Variants in WNT7A observed in about 807,000 individuals in gnomAD.
The protein encoded by WNT7A is Wnt family member 7A.
Under a neutral mutation model 28.2 loss-of-function variants are expected in WNT7A, and 16 were observed. That is an observed-to-expected ratio of 0.57 (90% CI 0.38 to 0.86). The LOEUF (loss-of-function observed/expected upper bound fraction) is 0.86, where lower values mean the gene tolerates loss of function less well. Among genes scored for constraint, WNT7A ranks in the 40% least tolerant of loss-of-function variants. The probability of loss-of-function intolerance (pLI) is 0.00; values close to 1 mark genes in which losing one functional copy is unlikely to be tolerated. For synonymous variants in WNT7A, 190 were observed against 195.9 expected, an observed-to-expected ratio of 0.97 and a Z score of 0.25; for missense variants, 411 against 489.7, an observed-to-expected ratio of 0.84 and a Z score of 1.52.
intron 2 of WNT7A, among the ~76,000 whole-genome samples, chr3:13,858,401 C>T (rs1263855351): frequency 2.0e-5 from 3 of 152,216 alleles, no homozygotes; most frequent in African/African-American, 4.8e-5. Context: ...GTGTCCTCTG[C>T]TCTACAGCCC....
At chr3:13,838,853 C>T (rs1185685270) in intron 3 of WNT7A, among the ~76,000 whole-genome samples, 2 of 152,210 alleles carry the variant, frequency 1.3e-5, no homozygotes, top group African/African-American at 4.8e-5. Flanking sequence ...TCCTCCAAAA[C>T]GGGAGCCATG....
chr3:13,854,432 C>G lies in WNT7A; in HGVS notation c.570+100G>C, dbSNP rs1454033255. On this transcript the variant is annotated intron_variant, in intron 3 of 3. Coordinates refer to ENST00000285018, the MANE Select transcript of WNT7A (RefSeq NM_004625.4). ...AGCAGAATGAGGCTGAGGGCAGAGCCCTGTGGCTCCTCAACAGACACCCAG... is the reference window on the plus strand; with the variant it reads ...AGCAGAATGAGGCTGAGGGCAGAGCGCTGTGGCTCCTCAACAGACACCCAG... 1.4e-5 allele frequency: 22 copies of G among 1,586,880 alleles called. No homozygotes were observed. In the East Asian group the frequency reaches 2.7e-4, roughly 19 times the overall value.
chr3:13,836,870 G>A (rs1022357324), intron 3 of WNT7A, among the ~76,000 whole-genome samples: 11 of 152,226 alleles, frequency 7.2e-5, no homozygotes, highest in Admixed American at 6.5e-4. Context: ...GAAAAACCAA[G>A]GGAGCGGGTG....
At chr3:13,842,305 G>C (rs895347629) in intron 3 of WNT7A, among the ~76,000 whole-genome samples, 2 of 152,178 alleles carry the variant, frequency 1.3e-5, no homozygotes, top group Non-Finnish European at 2.9e-5. Flanking sequence ...AGAGATGCTG[G>C]TGGATAGGAC....
chr3:13,850,867 T>C (rs1356354023), intron 3 of WNT7A, among the ~76,000 whole-genome samples: 1 of 152,026 alleles, frequency 6.6e-6, no homozygotes, highest in Admixed American at 6.5e-5. Flanking sequence ...CACTCACAAA[T>C]GCACCCAGAA....
At chr3:13,870,472 T>C (rs1295554960) in intron 2 of WNT7A, among the ~76,000 whole-genome samples, 3 of 152,224 alleles carry the variant, frequency 2.0e-5, no homozygotes, top group Non-Finnish European at 4.4e-5. Flanking sequence ...TTAAGCTACC[T>C]GGTCTGCAGG....
chr3:13,854,247 T>C (rs1325420310), intron 3 of WNT7A, among the ~76,000 whole-genome samples: 1 of 151,958 alleles, frequency 6.6e-6, no homozygotes, highest in Non-Finnish European at 1.5e-5. Context: ...GCTAATTTGG[T>C]CCCTCCCAAG....
intron 3 of WNT7A, among the ~76,000 whole-genome samples, chr3:13,837,736 C>T (rs552420583): frequency 3.9e-5 from 6 of 152,250 alleles, no homozygotes; most frequent in Admixed American, 6.5e-5. Context: ...ACCCAGGAGC[C>T]GGGTCACACC....
At chr3:13,857,062 C>T (rs916858443) in intron 2 of WNT7A, among the ~76,000 whole-genome samples, 4 of 152,192 alleles carry the variant, frequency 2.6e-5, no homozygotes, top group Admixed American at 6.5e-5. Context: ...CACAGGGCAG[C>T]AAGGACAGGG....
intron 3 of WNT7A, among the ~76,000 whole-genome samples, chr3:13,826,093 G>A (rs960918826): frequency 1.3e-5 from 2 of 152,210 alleles, no homozygotes; most frequent in Admixed American, 6.5e-5. Context: ...CTGTTTCACA[G>A]TGAGGACCTA....
At chr3:13,868,620 G>A (rs768317403) in intron 2 of WNT7A, among the ~76,000 whole-genome samples, 10,645 of 14,950 alleles carry the variant, frequency 0.71, 4,606 homozygotes, top group African/African-American at 0.8. Flanking sequence ...GAGAGAGAGA[G>A]AGAAAGAAAG....
chr3:13,871,961 C>T (rs1244444768), intron 2 of WNT7A, among the ~76,000 whole-genome samples: 1 of 152,166 alleles, frequency 6.6e-6, no homozygotes, highest in Non-Finnish European at 1.5e-5. Context: ...CTACTCCAGC[C>T]ACCCCAGCCC....
intron 3 of WNT7A, among the ~76,000 whole-genome samples, chr3:13,840,218 C>A (rs187555646): frequency 4.0e-4 from 61 of 152,324 alleles, no homozygotes; most frequent in African/African-American, 1.3e-3. Flanking sequence ...CTCTCCTGAT[C>A]GCCTAAAATA....
rs1433272688 is a variant in WNT7A, at chr3:13,816,619, A to G, written c.*2325T>C. On this transcript the variant is annotated 3_prime_UTR_variant, in exon 4 of 4. Transcript: ENST00000285018. ...TGCTAGGTTTTCCAAAGCAAAGATA[A>G]AATGTGACCTGTGGACTCCCAAGAA... The G allele has an allele frequency of 6.6e-6, 1 of 152,220 alleles. No homozygotes were observed. The highest frequency in any genetic ancestry group is 2.4e-5 in the African/African-American group (1 of 41,428). 9.4% of individuals were successfully genotyped at this position (152,220 alleles called of 1,614,324 possible).
chr3:13,830,308 G>A (rs1033945785), intron 3 of WNT7A, among the ~76,000 whole-genome samples: 10 of 152,136 alleles, frequency 6.6e-5, no homozygotes, highest in African/African-American at 1.9e-4. Context: ...GAGGGCTGAT[G>A]GCTTAGTTTT....
chr3:13,862,405 T>C (rs1694844860), intron 2 of WNT7A, among the ~76,000 whole-genome samples: 1 of 152,268 alleles, frequency 6.6e-6, no homozygotes, highest in Non-Finnish European at 1.5e-5. Flanking sequence ...TTACGGTATC[T>C]TACTGGAAAC....
chr3:13,872,545 G>A (rs1161706914), intron 2 of WNT7A, among the ~76,000 whole-genome samples: 1 of 152,080 alleles, frequency 6.6e-6, no homozygotes, highest in African/African-American at 2.4e-5. Context: ...CCGACCAACT[G>A]CCCTGCATCG....
intron 3 of WNT7A, among the ~76,000 whole-genome samples, chr3:13,837,332 C>G (rs1694386573): frequency 6.6e-6 from 1 of 151,974 alleles, no homozygotes; most frequent in Non-Finnish European, 1.5e-5. Context: ...ATGGCCCCCT[C>G]TCCACAGTGC....
Position 13,872,099 on chromosome 3 carries a change from A to C in WNT7A, c.298+2848T>G, listed in dbSNP as rs186546437. On this transcript the variant is annotated intron_variant, in intron 2 of 3. Transcript: ENST00000285018. ...TCACCTCCCTCACAAATCCAGAGCCATTCCCTGGACACACACACTGGAACA... is the reference window on the plus strand; with the variant it reads ...TCACCTCCCTCACAAATCCAGAGCCCTTCCCTGGACACACACACTGGAACA... 7.2e-4 allele frequency among the ~76,000 whole-genome samples: 110 copies of C among 152,298 alleles called. 1 individual carries two copies. The East Asian group carries it at 0.016, about 22-fold the overall frequency.
Sources: allele counts gnomAD v4.1 joint callset (sites outside exome capture counted in the v4.1 genomes callset), GRCh38; gene constraint gnomAD v4.1.1; transcripts MANE v1.5; gene names NCBI Gene and HGNC (gene_info 2026-07-23, HGNC 2026-07-21).